CHST11: variants seen among roughly 807,000 people sequenced by gnomAD.
CHST11 encodes C4S-1.
Under a neutral mutation model 30.4 loss-of-function variants are expected in CHST11, and 9 were observed. That is an observed-to-expected ratio of 0.30 (90% CI 0.18 to 0.52). The LOEUF (loss-of-function observed/expected upper bound fraction) is 0.52. CHST11 is among the 20% of genes least tolerant of loss of function. CHST11 has a pLI of 0.97. For missense variants in CHST11, 348 were observed against 460.6 expected (o/e 0.76, Z 2.24); for synonymous variants, 152 against 187.8 (o/e 0.81, Z 1.56).
intron 2 of CHST11, among the ~76,000 whole-genome samples, chr12:104,634,412 G>A (rs1478123143): frequency 6.6e-6 from 1 of 152,198 alleles, no homozygotes; most frequent in Non-Finnish European, 1.5e-5. Context: ...CTGTTAGAGG[G>A]AATATAAGAG....
At chr12:104,611,333 A>T (rs543134210) in intron 2 of CHST11, among the ~76,000 whole-genome samples, 1 of 152,372 alleles carries the variant, frequency 6.6e-6, no homozygotes, top group African/African-American at 2.4e-5. Context: ...CAGGCAGTAC[A>T]TCAAGTGCTC....
chr12:104,685,021 C>T (rs2039833379), intron 2 of CHST11, among the ~76,000 whole-genome samples: 1 of 152,192 alleles, frequency 6.6e-6, no homozygotes, highest in Non-Finnish European at 1.5e-5. Context: ...TTTGGCATTC[C>T]TCCAACAAAC....
chr12:104,518,392 T>C (rs1470735067), intron 1 of CHST11, among the ~76,000 whole-genome samples: 1 of 152,206 alleles, frequency 6.6e-6, no homozygotes, highest in Non-Finnish European at 1.5e-5. Context: ...GTTATCATGC[T>C]GTATTTCCTT....
At chr12:104,756,472 A>C (rs2040475411) in intron 2 of CHST11, among the ~76,000 whole-genome samples, 1 of 151,542 alleles carries the variant, frequency 6.6e-6, no homozygotes, top group Admixed American at 6.6e-5. Flanking sequence ...GATTTAGGTT[A>C]TGTCTCTTTG....
At chr12:104,704,936 G>T (rs989628503) in intron 2 of CHST11, among the ~76,000 whole-genome samples, 53 of 152,148 alleles carry the variant, frequency 3.5e-4, no homozygotes, top group African/African-American at 1.2e-3. Flanking sequence ...TTGACAAAGG[G>T]TATTTAGTGG....
intron 2 of CHST11, among the ~76,000 whole-genome samples, chr12:104,694,154 G>A (rs556579436): frequency 2.6e-5 from 4 of 152,262 alleles, no homozygotes; most frequent in African/African-American, 9.6e-5. Context: ...GCCAGGTATT[G>A]TATAGACCAT....
chr12:104,698,861 T>C (rs2039969874), intron 2 of CHST11, among the ~76,000 whole-genome samples: 1 of 152,274 alleles, frequency 6.6e-6, no homozygotes, highest in South Asian at 2.1e-4. Context: ...TTGGAAACTC[T>C]TTTGAATTTA....
At chr12:104,656,089 C>T (rs190935159) in intron 2 of CHST11, among the ~76,000 whole-genome samples, 17 of 152,286 alleles carry the variant, frequency 1.1e-4, no homozygotes, top group Admixed American at 9.1e-4. Flanking sequence ...TCGAACAAAC[C>T]GTAAAAGATT....
chr12:104,612,699 G>T (rs2136054419), intron 2 of CHST11, among the ~76,000 whole-genome samples: 1 of 152,278 alleles, frequency 6.6e-6, no homozygotes, highest in African/African-American at 2.4e-5. Flanking sequence ...ATCAGGGTTG[G>T]CAGGGACATG....
intron 2 of CHST11, among the ~76,000 whole-genome samples, chr12:104,714,981 C>T (rs912716809): frequency 4.6e-5 from 7 of 152,234 alleles, no homozygotes; most frequent in African/African-American, 1.7e-4. Flanking sequence ...GTGGGAAGAG[C>T]CCACTCGTGA....
intron 1 of CHST11, among the ~76,000 whole-genome samples, chr12:104,482,561 A>G (rs7961396): frequency 0.047 from 7,074 of 152,038 alleles, 569 homozygotes; most frequent in African/African-American, 0.16. Context: ...CAGAACTCCA[A>G]CGTGGTTCTG....
intron 1 of CHST11, among the ~76,000 whole-genome samples, chr12:104,498,958 T>A (rs1015988050): frequency 2.6e-5 from 4 of 152,216 alleles, no homozygotes; most frequent in African/African-American, 7.2e-5. Context: ...CTTGATCTTC[T>A]TAACCCGTTT....
rs143770670 is a variant in CHST11 at position 104,546,130 on chromosome 12, A to AT, written c.119-55767dup. On this transcript the variant is annotated intron_variant, in intron 1 of 2. Coordinates refer to ENST00000303694, the MANE Select transcript of CHST11 (RefSeq NM_018413.6). The stretch of plus-strand genomic sequence containing the variant: ...AACATTGTTGAATCATAAGTGATCC[A>AT]TTTTTTTTTCTTTTTATTTCTGATT... Among the ~76,000 whole-genome samples, 713 of 151,248 alleles carry AT rather than the reference A, an allele frequency of 4.7e-3. 6 individuals carry two copies. The highest frequency in any genetic ancestry group is 0.016 in the African/African-American group (651 of 41,182).
intron 2 of CHST11, among the ~76,000 whole-genome samples, chr12:104,640,648 A>G (rs1393877939): frequency 1.3e-5 from 2 of 152,206 alleles, no homozygotes; most frequent in Non-Finnish European, 1.5e-5. Context: ...TAGGACAGAA[A>G]ACTACTCTAT....
chr12:104,703,998 G>A (rs1395625495), intron 2 of CHST11, among the ~76,000 whole-genome samples: 3 of 152,184 alleles, frequency 2.0e-5, no homozygotes, highest in Admixed American at 6.5e-5. Flanking sequence ...GGCCTGGTTC[G>A]TAGCTGATTC....
At chr12:104,564,748 C>T (rs1005896134) in intron 1 of CHST11, among the ~76,000 whole-genome samples, 1 of 152,156 alleles carries the variant, frequency 6.6e-6, no homozygotes, top group Non-Finnish European at 1.5e-5. Flanking sequence ...TCAAGAAATA[C>T]CCGAGACTGG....
At chr12:104,477,839 G>C (rs538683502) in intron 1 of CHST11, among the ~76,000 whole-genome samples, 1 of 152,326 alleles carries the variant, frequency 6.6e-6, no homozygotes, top group Admixed American at 6.5e-5. Context: ...ATGAACAATT[G>C]CTCTGCAGTT....
intron 1 of CHST11, among the ~76,000 whole-genome samples, chr12:104,574,642 A>G (rs1318700225): frequency 6.8e-6 from 1 of 147,358 alleles, no homozygotes; most frequent in Non-Finnish European, 1.5e-5. Context: ...TCTCACTCAT[A>G]GGTGGGAATT....
At chr12:104,521,816 C>T (rs1487951473) in intron 1 of CHST11, among the ~76,000 whole-genome samples, 1 of 152,222 alleles carries the variant, frequency 6.6e-6, no homozygotes, top group Non-Finnish European at 1.5e-5. Context: ...TGTCCCCAGC[C>T]TGGTGAGTCG....
Sources: allele counts gnomAD v4.1 joint callset (sites outside exome capture counted in the v4.1 genomes callset), GRCh38; gene constraint gnomAD v4.1.1; transcripts MANE v1.5; gene names NCBI Gene and HGNC (gene_info 2026-07-23, HGNC 2026-07-21).